The following NCKAP5 variants were observed in gnomAD, a reference collection of about 807,000 sequenced individuals.
NCKAP5 encodes NCK associated protein 5.
In NCKAP5, 92 loss-of-function variants were observed where a neutral mutation model predicts 167.0. That is an observed-to-expected ratio of 0.55 (90% CI 0.47 to 0.66). The LOEUF is 0.66. NCKAP5 is among the 30% of genes least tolerant of loss of function. The pLI, the probability that NCKAP5 is intolerant of heterozygous loss-of-function variation, is 0.00. For synonymous variants in NCKAP5, 891 were observed against 877.4 expected, an observed-to-expected ratio of 1.02 and a Z score of -0.27; for missense variants, 2,378 against 2,315.0, an observed-to-expected ratio of 1.03 and a Z score of -0.56.
intron 3 of NCKAP5, among the ~76,000 whole-genome samples, chr2:133,489,347 G>A (rs1294025005): frequency 2.0e-5 from 3 of 152,208 alleles, no homozygotes; most frequent in African/African-American, 4.8e-5. Flanking sequence ...AGGAGACTCT[G>A]AGGGACTATT....
intron 5 of NCKAP5, among the ~76,000 whole-genome samples, chr2:133,145,444 G>A (rs867819343): frequency 4.6e-5 from 7 of 152,042 alleles, no homozygotes; most frequent in African/African-American, 1.2e-4. Flanking sequence ...CCATCATGGC[G>A]CATGCATACC....
intron 11 of NCKAP5, among the ~76,000 whole-genome samples, chr2:132,821,980 G>A (rs1284495876): frequency 1.3e-5 from 2 of 152,110 alleles, no homozygotes; most frequent in Non-Finnish European, 2.9e-5. Flanking sequence ...GGAGCTTTAT[G>A]GCCCCACCCA....
At chr2:133,473,717 G>C (rs999354539) in intron 3 of NCKAP5, among the ~76,000 whole-genome samples, 1 of 152,136 alleles carries the variant, frequency 6.6e-6, no homozygotes, top group African/African-American at 2.4e-5. Flanking sequence ...ACTATATGTG[G>C]TTTCTATCTG....
intron 8 of NCKAP5, among the ~76,000 whole-genome samples, chr2:132,919,220 A>T: frequency 6.6e-6 from 1 of 152,204 alleles, no homozygotes; most frequent in East Asian, 1.9e-4. Context: ...TGGGGGATGG[A>T]GAAGGGAAAG....
At chr2:133,513,100 A>G (rs541112928) in intron 3 of NCKAP5, among the ~76,000 whole-genome samples, 14 of 152,336 alleles carry the variant, frequency 9.2e-5, no homozygotes, top group Admixed American at 8.5e-4. Context: ...CTAACTGAGG[A>G]GAGTTTGGTA....
At chr2:133,220,876 T>C (rs1200171804) in intron 4 of NCKAP5, among the ~76,000 whole-genome samples, 1 of 152,142 alleles carries the variant, frequency 6.6e-6, no homozygotes, top group Non-Finnish European at 1.5e-5. Context: ...ATACCCAACC[T>C]GAATGGGAGA....
In NCKAP5 at chr2:133,069,869, A is replaced by AT. The variant is rs201034549; in HGVS notation, c.341+60108_341+60109insA. Among the ~76,000 whole-genome samples the AT allele has an allele frequency of 9.7e-3, 1,470 of 151,736 alleles. 29 individuals carry two copies. Among genetic ancestry groups the AT allele is most frequent in the African/African-American group, 0.033 (1,354 of 41,394 alleles). On this transcript the variant is annotated intron_variant, in intron 6 of 19. Coordinates refer to ENST00000409261, the MANE Select transcript of NCKAP5 (RefSeq NM_207363.3). The stretch of plus-strand genomic sequence containing the variant: ...TTTATAAATTTCATTGATTTATTAA[A>AT]AATATATATATATACACACACACAA...
chr2:132,728,811 C>G lies in NCKAP5; in HGVS notation c.5580+5G>C. 1 of 1,613,734 alleles carries G rather than the reference C, an allele frequency of 6.2e-7. No individual in the cohort carries two copies. ...TTGCACCCTTCACCTCCCCCGACCC[C>G]TCACCTGGGTCCCGGTGGCAGCAAC... On this transcript the variant is annotated splice_donor_5th_base_variant and intron_variant, in intron 18 of 19. Coordinates refer to ENST00000409261, the MANE Select transcript of NCKAP5 (RefSeq NM_207363.3).
intron 6 of NCKAP5, among the ~76,000 whole-genome samples, chr2:133,095,506 G>A (rs2081317667): frequency 6.6e-6 from 1 of 152,166 alleles, no homozygotes; most frequent in South Asian, 2.1e-4. Flanking sequence ...TGAGATTGAA[G>A]AAGCATGAAT....
chr2:132,854,938 G>A (rs1689346340), intron 11 of NCKAP5, among the ~76,000 whole-genome samples: 1 of 152,076 alleles, frequency 6.6e-6, no homozygotes, highest in South Asian at 2.1e-4. Context: ...CTTGGCTGAA[G>A]TAAAGAATTT....
At position 133,156,040 on chromosome 2, in the gene NCKAP5, T is replaced by C. The variant is rs528029192; in HGVS notation, c.208-25929A>G. ...TAAGACAGGGCAATGACAGTTTGAC[T>C]GCTACAAAGTCCCCAGTTTCTGTAC... On this transcript the variant is annotated intron_variant, in intron 5 of 19. Coordinates refer to ENST00000409261, the MANE Select transcript of NCKAP5 (RefSeq NM_207363.3). Among the ~76,000 whole-genome samples, 8 of 152,348 alleles carry C rather than the reference T, an allele frequency of 5.3e-5. No homozygotes were observed. In the South Asian group the frequency reaches 1.7e-3, roughly 32 times the overall value.
chr2:133,078,919 A>G (rs770386013), intron 6 of NCKAP5, among the ~76,000 whole-genome samples: 2 of 152,170 alleles, frequency 1.3e-5, no homozygotes, highest in East Asian at 1.9e-4. Context: ...CATGCTTTTC[A>G]TATTTTATAT....
rs752157731 is a variant in NCKAP5, at chr2:132,994,166, T to C, written c.415A>G (p.Ile139Val). Reference sequence around the variant, plus strand: ...ACATGGTGTACCTGATAGACCATTATATTAACAGTTTCTTCTTTTTTCTGC... The same window carrying C: ...ACATGGTGTACCTGATAGACCATTACATTAACAGTTTCTTCTTTTTTCTGC... ...PEQKKEETVN[I>V]MVYQEKLSEE... Residue 139 changes from isoleucine to valine, a missense_variant, in exon 7 of 20, where the codon ATA becomes GTA. This residue lies in a region of NCKAP5 where 1,049 missense variants were observed against 1,023.4 expected (regional missense o/e 1.02). Coordinates refer to ENST00000409261, the MANE Select transcript of NCKAP5 (RefSeq NM_207363.3). 9 of 1,579,066 alleles carry C rather than the reference T, an allele frequency of 5.7e-6. No homozygotes were observed. The highest frequency in any genetic ancestry group is 7.8e-6 in the Non-Finnish European group (9 of 1,160,358).
intron 3 of NCKAP5, among the ~76,000 whole-genome samples, chr2:133,491,322 G>A (rs1307530957): frequency 6.6e-6 from 1 of 152,188 alleles, no homozygotes; most frequent in South Asian, 2.1e-4. Context: ...AGGAAGTGGG[G>A]TTCTTGATGG....
intron 5 of NCKAP5, among the ~76,000 whole-genome samples, chr2:133,163,873 C>T (rs932255285): frequency 5.9e-5 from 9 of 152,112 alleles, no homozygotes; most frequent in African/African-American, 1.9e-4. Context: ...GAGCCAGTCC[C>T]GTAACTAGGT....
chr2:132,697,624 G>A (rs7601083), intron 19 of NCKAP5, among the ~76,000 whole-genome samples: 8,626 of 148,848 alleles, frequency 0.058, 783 homozygotes, highest in African/African-American at 0.2. Context: ...TTTTTTCCAT[G>A]TCCTGAAGGA....
At chr2:133,014,590 C>T (rs1573743816) in intron 6 of NCKAP5, among the ~76,000 whole-genome samples, 1 of 152,174 alleles carries the variant, frequency 6.6e-6, no homozygotes, top group African/African-American at 2.4e-5. Flanking sequence ...GTTTATCAAA[C>T]TTTGAACACC....
upstream of NCKAP5, among the ~76,000 whole-genome samples, chr2:133,571,975 C>CA (rs111238105): frequency 0.015 from 2,106 of 141,474 alleles, 18 homozygotes; most frequent in Non-Finnish European, 0.018. Context: ...AACTCCATCT[C>CA]AAAAAAAAAA....
intron 8 of NCKAP5, among the ~76,000 whole-genome samples, chr2:132,920,763 A>ATGTATGTATGTATGTATGTATG (rs1558943131): frequency 1.4e-5 from 1 of 69,266 alleles, no homozygotes; most frequent in African/African-American, 6.8e-5. Flanking sequence ...ATATGTATAT[A>ATGTATGTATGTATGTATGTATG]TATGTATGTA....
Sources: allele counts gnomAD v4.1 joint callset (sites outside exome capture counted in the v4.1 genomes callset), GRCh38; gene constraint gnomAD v4.1.1; regional missense constraint gnomAD v4.1.1; transcripts MANE v1.5; gene names NCBI Gene and HGNC (gene_info 2026-07-23, HGNC 2026-07-21).